The following PLCB2 variants were observed in gnomAD, a reference collection of about 807,000 sequenced individuals.
The protein encoded by PLCB2 is 1-phosphatidylinositol 4,5-bisphosphate phosphodiesterase beta-2.
Under a neutral mutation model 141.7 loss-of-function variants are expected in PLCB2, and 115 were observed. The ratio of observed to expected loss-of-function variants is 0.81; its 90% CI spans 0.70 to 0.95. The LOEUF (loss-of-function observed/expected upper bound fraction) is 0.95, where lower values mean the gene tolerates loss of function less well. Among genes scored for constraint, PLCB2 ranks in the 40% least tolerant of loss-of-function variants. The pLI is 0.00. For missense variants in PLCB2, 1,403 were observed against 1,541.1 expected, an observed-to-expected ratio of 0.91 and a Z score of 1.50; for synonymous variants, 603 against 595.6, an observed-to-expected ratio of 1.01 and a Z score of -0.18.
In PLCB2 at chr15:40,296,771, G is replaced by A. The variant is rs1162527661; in HGVS notation, c.1461C>T (p.Pro487=). The change falls in exon 14 of 32, where the codon CCC becomes CCT. Residue 487 remains proline (P), a synonymous_variant. Transcript: ENST00000260402. ...CTGTGCCCTCACCTGCAGGGGCACT[G>A]GGTGGGCTGCTGCCCTCAGCCTCCC... ...TGGEAEGSSP[P]SAPAGEGTVW... 6.2e-7 allele frequency: 1 copy of A among 1,613,836 alleles called. No individual in the cohort carries two copies. Among genetic ancestry groups the A allele is most frequent in the Non-Finnish European group, 8.5e-7 (1 of 1,179,832 alleles).
At position 40,297,707 on chromosome 15, in the gene PLCB2, A is replaced by C. The variant is rs571954884; in HGVS notation, c.1239-102T>G. 2.0e-4 allele frequency: 216 copies of C among 1,066,062 alleles called. 3 individuals are homozygous for C. The highest frequency in any genetic ancestry group is 1.7e-3 in the South Asian group (123 of 72,394). The allele number at this position is 1,066,062 out of a possible 1,614,324, so 66.0% of individuals were successfully genotyped here. A position where few individuals can be genotyped will look rare whatever the true frequency, so the allele number is the denominator to read the frequency against. On this transcript the variant is annotated intron_variant, in intron 12 of 31. Transcript: ENST00000260402. This position sits in a 1 kb window ranked among gnomAD's most constrained non-coding sequence, Gnocchi z 4.2. ...GACCCAGATCAGGGGCCAGGAGGTCAGGGAGGCTGGGACTCGAGCAGGAGA... is the reference window on the plus strand; with the variant it reads ...GACCCAGATCAGGGGCCAGGAGGTCCGGGAGGCTGGGACTCGAGCAGGAGA...
In PLCB2 at chr15:40,298,621, T is replaced by A; in HGVS notation, c.938A>T (p.Asp313Val). ...LAQDKLLLHH[D>V]MTQPLNHYFI... ...GTAATGATTGAGTGGCTGCGTCATG[T>A]CGTGGTGGAGCAGCAGCTTGTCCTG... The change falls in exon 10 of 32, where the codon GAC becomes GTC. Residue 313 changes from aspartate to valine, a missense_variant. Asp to Val is a radical substitution (Grantham distance 152, BLOSUM62 -3). Coordinates refer to ENST00000260402, the MANE Select transcript of PLCB2 (RefSeq NM_004573.3). 6.2e-7 allele frequency: 1 copy of A among 1,614,216 alleles called. No individual in the cohort carries two copies. Among genetic ancestry groups the A allele is most frequent in the Non-Finnish European group, 8.5e-7 (1 of 1,180,014 alleles).
rs375119309 is a variant in PLCB2, at chr15:40,298,277, G to A, written c.1101C>T (p.Asp367=). ...AGCCATGGGTGATAATGGGCTCCTC[G>A]TCAGGGGGTTTCCCCTTCCAGCAGT... ...ELDCWKGKPP[D]EEPIITHGFT... Residue 367 remains aspartate (D), a synonymous_variant, in exon 11 of 32, where the codon GAC becomes GAT. Coordinates refer to ENST00000260402, the MANE Select transcript of PLCB2 (RefSeq NM_004573.3). The A allele has an allele frequency of 2.6e-5, 42 of 1,601,334 alleles. No homozygotes were observed. Among genetic ancestry groups the A allele is most frequent in the African/African-American group, 2.0e-4 (15 of 74,642 alleles).
chr15:40,303,044 G>C (rs894106416), intron 3 of PLCB2, among the ~76,000 whole-genome samples: 15 of 152,190 alleles, frequency 9.9e-5, no homozygotes, highest in Admixed American at 6.5e-5. Flanking sequence ...GGCAGGAGGT[G>C]ACCCCTCCTC....
rs1488186564 is a variant in PLCB2, at chr15:40,296,594, C to T, written c.1527G>A (p.Glu509=). 7 of 1,610,342 alleles carry T rather than the reference C, an allele frequency of 4.3e-6. No individual in the cohort carries two copies. The highest frequency in any genetic ancestry group is 2.2e-5 in the South Asian group (2 of 90,878). Residue 509 remains glutamate, a synonymous_variant, in exon 15 of 32, where the codon GAG becomes GAA. Transcript: ENST00000260402. ...GEEGTELEEE[E]VEEEEEEESG... is the part of the protein sequence containing the mutation. ...ACTCCTCCTCCTCTTCCTCTTCCAC[C>T]TCCTCCTCCTCCAGCTCAGTCCCTT...
rs558120475 is a variant in PLCB2, at chr15:40,289,256, G to A, written c.3354+16C>T. 17 of 1,603,530 alleles carry A rather than the reference G, an allele frequency of 1.1e-5. No homozygotes were observed. The African/African-American group carries it at 1.9e-4, about 18-fold the overall frequency. ...CCATTCAGTTCTGCTGGGGGTCCCA[G>A]TAGTGAACCTGTTACCTGCTTTTCC... On this transcript the variant is annotated intron_variant, in intron 31 of 31. Transcript: ENST00000260402.
At chr15:40,307,075 T>C (rs996214672) in intron 1 of PLCB2, among the ~76,000 whole-genome samples, 4 of 152,208 alleles carry the variant, frequency 2.6e-5, no homozygotes, top group African/African-American at 9.6e-5. Context: ...CAGAAGCCTC[T>C]AGTTCTCACT....
intron 27 of PLCB2, 54 bp downstream of exon 27, chr15:40,290,964 G>C: frequency 6.5e-7 from 1 of 1,529,976 alleles, no homozygotes; most frequent in South Asian, 1.2e-5. Flanking sequence ...TGGGGTCCAT[G>C]GGGGGTGGGG....
chr15:40,289,496 G>C (rs893016024), intron 30 of PLCB2, 138 bp from the exon 31 acceptor site: 7 of 673,320 alleles, frequency 1.0e-5, no homozygotes, highest in African/African-American at 5.3e-5. Flanking sequence ...AAATTTGTAA[G>C]ATAAGGATAG....
chr15:40,284,531 G>A (rs1566864034), downstream of PLCB2: 1 of 455,404 alleles, frequency 2.2e-6, no homozygotes, highest in Non-Finnish European at 4.4e-6. Flanking sequence ...GCGGGATCTG[G>A]CTGCAAAAGA....
At chr15:40,298,198 C>T (rs186867156) in intron 11 of PLCB2, 25 bp downstream of exon 11, 1 of 1,534,770 alleles carries the variant, frequency 6.5e-7, no homozygotes, top group Admixed American at 2.0e-5. Flanking sequence ...GCCACGGCCA[C>T]CAGCCTCTGT....
chr15:40,297,930 G>T lies in PLCB2; in HGVS notation c.1185C>A (p.Ala395=). The part of the protein sequence containing the change: ...KEAIEAIAES[A]FKTSPYPIIL... ...TGATGGGATAGGGGGAGGTCTTAAA[G>T]GCGCTTTCTGCAATAGCCTCAATTG... Residue 395 remains alanine, a synonymous_variant, in exon 12 of 32, where the codon GCC becomes GCA. Transcript: ENST00000260402. This position sits in a 1 kb window ranked among gnomAD's most constrained non-coding sequence, Gnocchi z 4.2. 1 of 1,613,494 alleles carries T rather than the reference G, an allele frequency of 6.2e-7. No individual in the cohort carries two copies. The highest frequency in any genetic ancestry group is 8.5e-7 in the Non-Finnish European group (1 of 1,179,458).
chr15:40,291,964 CCTCTCTCCCCG>C, intron 23 of PLCB2, 40 bp from the exon 24 acceptor site: 2 of 1,609,396 alleles, frequency 1.2e-6, no homozygotes, highest in Non-Finnish European at 1.7e-6. Context: ...GCTTGACAGC[CCTCTCTCCCCG>C]AGCCTGGGAC....
At chr15:40,303,152 C>T (rs2040607559) in intron 3 of PLCB2, 136 bp downstream of exon 3, 3 of 701,698 alleles carry the variant, frequency 4.3e-6, no homozygotes, top group Middle Eastern at 3.2e-4. Context: ...CTTCCAGCCA[C>T]GGTCCTTGCT....
intron 29 of PLCB2, 97 bp downstream of exon 29, chr15:40,290,480 G>A: frequency 1.1e-6 from 1 of 883,876 alleles, no homozygotes; most frequent in Admixed American, 1.9e-5. Context: ...GGGGACAGAT[G>A]CATCTTTGGG....
chr15:40,295,346 G>T, intron 16 of PLCB2, 61 bp from the exon 17 acceptor site: 1 of 1,193,138 alleles, frequency 8.4e-7, no homozygotes, highest in Non-Finnish European at 1.3e-6. Flanking sequence ...CTCAGTCTTG[G>T]CCTCCCCTTT....
intron 14 of PLCB2, 28 bp from the exon 15 acceptor site, chr15:40,296,662 G>A (rs1451754351): frequency 2.5e-6 from 4 of 1,611,792 alleles, no homozygotes; most frequent in Non-Finnish European, 3.4e-6. Context: ...GTCGGCACTG[G>A]CTCCTGCATG....
At position 40,291,504 on chromosome 15, in the gene PLCB2, G is replaced by A. The variant is rs2039923570; in HGVS notation, c.2648-17C>T. On this transcript the variant is annotated splice_polypyrimidine_tract_variant and intron_variant, in intron 25 of 31. Coordinates refer to ENST00000260402, the MANE Select transcript of PLCB2 (RefSeq NM_004573.3). ...TCCGCGGCTCTGCGGAGGCCCGGGT[G>A]AGGCGCAACACCGGCCAGGCCGTCC... 1.3e-6 allele frequency: 2 copies of A among 1,593,560 alleles called. No individual in the cohort carries two copies. Among genetic ancestry groups the A allele is most frequent in the African/African-American group, 1.3e-5 (1 of 74,642 alleles).
chr15:40,290,047 TC>T lies in PLCB2; in HGVS notation c.3244del (p.Glu1082LysfsTer2). The T allele has an allele frequency of 6.2e-7, 1 of 1,610,080 alleles. No individual in the cohort carries two copies. The highest frequency in any genetic ancestry group is 1.1e-5 in the South Asian group (1 of 90,960). ...KREINNSHIQEVVQVIKQMTE... is the reference protein window; with the variant it reads ...KREINNSHIQXVVQVIKQMTE... ...CACCTGCTTGATCACCTGCACTACT[TC>T]CTGGATGTGGGAGTTGTTAATCTCT... On this transcript the variant is annotated frameshift_variant, in exon 30 of 32. Transcript: ENST00000260402. LOFTEE classifies it high-confidence loss of function.
Sources: allele counts gnomAD v4.1 joint callset (sites outside exome capture counted in the v4.1 genomes callset), GRCh38; gene constraint gnomAD v4.1.1; non-coding constraint Gnocchi (gnomAD v3.1); transcripts MANE v1.5; gene names NCBI Gene and HGNC (gene_info 2026-07-23, HGNC 2026-07-21).